MAMLD1: variants seen among roughly 807,000 people sequenced by gnomAD.
The protein encoded by MAMLD1 is mastermind-like domain-containing protein 1.
In MAMLD1, 14 loss-of-function variants were observed where a neutral mutation model predicts 45.0. That is an observed-to-expected ratio of 0.31 (90% confidence interval 0.21 to 0.49). MAMLD1 has a LOEUF of 0.49. MAMLD1 is among the 20% of genes least tolerant of loss of function. The probability of loss-of-function intolerance (pLI) is 0.99; values close to 1 mark genes in which losing one functional copy is unlikely to be tolerated. For synonymous variants in MAMLD1, 254 were observed against 247.8 expected (o/e 1.02, Z -0.24); for missense variants, 543 against 603.6 (o/e 0.90, Z 1.05).
chrX:150,463,375 G>T (rs1311838616), intron 3 of MAMLD1, among the ~76,000 whole-genome samples: 1 of 112,081 alleles, frequency 8.9e-6, no homozygotes, highest in African/African-American at 3.2e-5. Flanking sequence ...GGCTTAACAT[G>T]AGTGGGTGTG....
Position 150,512,775 on chromosome X carries a change from C to T in MAMLD1, c.*816C>T. 1 of 1,155,600 alleles carries T rather than the reference C, an allele frequency of 8.7e-7. No homozygotes were observed. The highest frequency in any genetic ancestry group is 1.9e-5 in the South Asian group (1 of 52,736). On this transcript the variant is annotated 3_prime_UTR_variant, in exon 8 of 8. Transcript: ENST00000370401. The stretch of plus-strand genomic sequence containing the variant: ...GCTGCTGCCACCGCTGCTGCTGCTT[C>T]TGCCGTTGCTGCCAGCCAGTTCCCA...
At chrX:150,395,400 G>A (rs1557402260) in intron 1 of MAMLD1, among the ~76,000 whole-genome samples, 1 of 111,099 alleles carries the variant, frequency 9.0e-6, no homozygotes, top group African/African-American at 3.3e-5. Context: ...TTCTTTCCTT[G>A]TAATGTCTTT....
At chrX:150,492,049 A>C (rs2037204769) in intron 5 of MAMLD1, among the ~76,000 whole-genome samples, 1 of 112,783 alleles carries the variant, frequency 8.9e-6, no homozygotes, top group African/African-American at 3.2e-5. Flanking sequence ...AACATGCCTG[A>C]TGTTCTGCCC....
At chrX:150,485,883 G>T (rs2036968852) in intron 5 of MAMLD1, among the ~76,000 whole-genome samples, 2 of 111,756 alleles carry the variant, frequency 1.8e-5, no homozygotes, top group Admixed American at 1.9e-4. Flanking sequence ...GCTGAGCAGG[G>T]TTCAGCAGGC....
intron 2 of MAMLD1, among the ~76,000 whole-genome samples, chrX:150,458,743 G>A (rs1185399507): frequency 1.8e-5 from 2 of 112,018 alleles, no homozygotes; most frequent in African/African-American, 6.5e-5. Flanking sequence ...CCACAATCAA[G>A]TTAGTCAATG....
At chrX:150,505,326 CCACCCTCCATCCCTT>C (rs2037691136) in intron 6 of MAMLD1, among the ~76,000 whole-genome samples, 1 of 111,896 alleles carries the variant, frequency 8.9e-6, no homozygotes, top group Admixed American at 9.4e-5. Context: ...CAGCACCTGC[CCACCCTCCATCCCTT>C]CACCCTACTG....
At chrX:150,374,087 G>A (rs1557401374) in intron 1 of MAMLD1, among the ~76,000 whole-genome samples, 1 of 112,600 alleles carries the variant, frequency 8.9e-6, no homozygotes, top group Admixed American at 9.4e-5. Context: ...TCTGAAGCAG[G>A]AGTGGCTGTT....
At chrX:150,404,293 A>G (rs928952198) in intron 1 of MAMLD1, among the ~76,000 whole-genome samples, 2 of 112,134 alleles carry the variant, frequency 1.8e-5, no homozygotes, top group African/African-American at 6.5e-5. Context: ...TTAAAGAACA[A>G]TTTCCTTCAT....
chrX:150,412,709 T>G (rs1297094146), intron 1 of MAMLD1, among the ~76,000 whole-genome samples: 2 of 109,488 alleles, frequency 1.8e-5, no homozygotes, highest in African/African-American at 3.3e-5. Context: ...TTGTTTGTTT[T>G]TTTGTTTGTT....
chrX:150,382,486 T>C (rs1487060776), intron 1 of MAMLD1, among the ~76,000 whole-genome samples: 1 of 111,723 alleles, frequency 9.0e-6, no homozygotes, highest in Non-Finnish European at 1.9e-5. Context: ...CCATATATTT[T>C]AGAATAACCT....
chrX:150,405,204 A>C (rs2033966041), intron 1 of MAMLD1, among the ~76,000 whole-genome samples: 3 of 112,238 alleles, frequency 2.7e-5, no homozygotes, highest in Non-Finnish European at 3.8e-5. Context: ...GATTTTTCAC[A>C]CATGTTCTGC....
chrX:150,471,638 G>T (rs782536247), intron 4 of MAMLD1, 148 bp downstream of exon 4: 3 of 951,342 alleles, frequency 3.2e-6, no homozygotes, highest in Non-Finnish European at 4.4e-6. Flanking sequence ...ACTGAAGTCA[G>T]CTAATCCTGT....
intron 3 of MAMLD1, among the ~76,000 whole-genome samples, chrX:150,466,037 C>A (rs1334916065): frequency 8.9e-6 from 1 of 112,631 alleles, no homozygotes; most frequent in African/African-American, 3.2e-5. Flanking sequence ...GCGGCATCAG[C>A]CACAGGCACA....
At chrX:150,370,917 G>C (rs2031932696) in intron 1 of MAMLD1, among the ~76,000 whole-genome samples, 1 of 112,199 alleles carries the variant, frequency 8.9e-6, no homozygotes, top group South Asian at 3.7e-4. Flanking sequence ...CCTAAGGAGG[G>C]TTTGGGAGCA....
At chrX:150,416,012 G>C (rs1397428039) in intron 1 of MAMLD1, among the ~76,000 whole-genome samples, 1 of 111,983 alleles carries the variant, frequency 8.9e-6, no homozygotes, top group Non-Finnish European at 1.9e-5. Context: ...GGGGGCCCCT[G>C]AGAAGAATGG....
chrX:150,365,078 T>C (rs2031307223), intron 1 of MAMLD1, among the ~76,000 whole-genome samples: 1 of 109,480 alleles, frequency 9.1e-6, no homozygotes. Context: ...CCCTCCCACC[T>C]CTTCTTGTCT....
intron 1 of MAMLD1, among the ~76,000 whole-genome samples, chrX:150,387,724 A>T (rs1229217985): frequency 1.8e-5 from 2 of 111,078 alleles, no homozygotes; most frequent in East Asian, 2.8e-4. Context: ...GCTTTCTGAG[A>T]TTTTTTTTAT....
chrX:150,442,276 A>G (rs1389284939), intron 1 of MAMLD1, among the ~76,000 whole-genome samples: 1 of 110,634 alleles, frequency 9.0e-6, no homozygotes, highest in Non-Finnish European at 1.9e-5. Flanking sequence ...GACCATTTTC[A>G]TTTATTGTAT....
intron 2 of MAMLD1, among the ~76,000 whole-genome samples, chrX:150,451,412 G>T (rs1304846844): frequency 9.0e-6 from 1 of 111,469 alleles, no homozygotes; most frequent in Non-Finnish European, 1.9e-5. Context: ...CCAGGGGCCA[G>T]CCCTGTGGGT....
Sources: gnomAD v4.1 joint callset for allele counts (sites outside exome capture counted in the v4.1 genomes callset) on GRCh38, gnomAD v4.1.1 for gene constraint, MANE v1.5 for transcripts, NCBI Gene and HGNC (gene_info 2026-07-23, HGNC 2026-07-21) for gene names.